Variants in HOATZ observed in about 807,000 individuals in gnomAD.
The protein encoded by HOATZ is HOATZ cilia and flagella associated protein.
A neutral mutation model predicts 24.9 loss-of-function variants in HOATZ; 26 were observed. The observed-to-expected ratio is 1.04, with a 90% CI of 0.76 to 1.45. The LOEUF (loss-of-function observed/expected upper bound fraction) is 1.45. Ranked by LOEUF, HOATZ falls within the 40% of genes most tolerant of loss-of-function variation. HOATZ has a pLI of 0.00. For missense variants in HOATZ, 226 were observed against 201.5 expected (o/e 1.12, Z -0.74); for synonymous variants, 83 against 76.6 (o/e 1.08, Z -0.43).
intron 5 of HOATZ, 126 bp downstream of exon 5, chr11:111,534,590 T>C: frequency 1.3e-6 from 1 of 763,568 alleles, no homozygotes; most frequent in Admixed American, 2.2e-5. Flanking sequence ...ATTACAGATT[T>C]CTTGCCTTGA....
intron 3 of HOATZ, 121 bp downstream of exon 3, chr11:111,516,231 G>A: frequency 2.9e-5 from 16 of 545,586 alleles, no homozygotes; most frequent in Middle Eastern, 4.9e-4. Flanking sequence ...AGCAAATTAA[G>A]GAAACCTTTA....
chr11:111,517,485 C>A (rs896840781), intron 3 of HOATZ, among the ~76,000 whole-genome samples: 2 of 152,140 alleles, frequency 1.3e-5, no homozygotes, highest in Non-Finnish European at 2.9e-5. Context: ...AATCTTAGAA[C>A]TGGATTCCTT....
At chr11:111,525,939 G>T (rs1392937669) in intron 3 of HOATZ, among the ~76,000 whole-genome samples, 3 of 152,182 alleles carry the variant, frequency 2.0e-5, no homozygotes, top group Non-Finnish European at 4.4e-5. Flanking sequence ...TAATCAGGGA[G>T]ATAAATATTT....
At chr11:111,517,798 G>A (rs1004043228) in intron 3 of HOATZ, among the ~76,000 whole-genome samples, 3 of 152,152 alleles carry the variant, frequency 2.0e-5, no homozygotes, top group Non-Finnish European at 2.9e-5. Flanking sequence ...TAGTTTGTTA[G>A]ACAAAGAATA....
At chr11:111,518,760 T>C (rs894883790) in intron 3 of HOATZ, among the ~76,000 whole-genome samples, 29 of 152,244 alleles carry the variant, frequency 1.9e-4, no homozygotes, top group Admixed American at 1.8e-3. Flanking sequence ...TCTGGAACTA[T>C]AAGCTGGTTC....
In HOATZ at chr11:111,533,970, C is replaced by T. The variant is rs76773437; in HGVS notation, c.399+165C>T. Among the ~76,000 whole-genome samples, 1,143 of 152,078 alleles carry T rather than the reference C, an allele frequency of 7.5e-3. 20 individuals are homozygous for T. Among genetic ancestry groups the T allele is most frequent in the Non-Finnish European group, 7.4e-3 (504 of 67,984 alleles). ...TATAGACATTAGATAATTTGGCAAC[C>T]CTTGATCAATCAAAGCTATCTCCAG... is the stretch of plus-strand genomic sequence containing the variant. On this transcript the variant is annotated intron_variant, in intron 4 of 5. Transcript: ENST00000375618.
intron 3 of HOATZ, among the ~76,000 whole-genome samples, chr11:111,522,388 G>A (rs980535968): frequency 6.6e-6 from 1 of 152,150 alleles, no homozygotes; most frequent in African/African-American, 2.4e-5. Flanking sequence ...TTGAAGAACT[G>A]GAATGATTCT....
rs1174646220 is a variant in HOATZ, at chr11:111,533,695, TAA to T, written c.340-50_340-49del. ...GGAAGAATTCTACCTTTCGTAGGCGTAAGTCTTTATTATTGAATCGAGACACC... is the reference window on the plus strand; with the variant it reads ...GGAAGAATTCTACCTTTCGTAGGCGTGTCTTTATTATTGAATCGAGACACC... On this transcript the variant is annotated intron_variant, in intron 3 of 5. Transcript: ENST00000375618. The T allele has an allele frequency of 4.7e-6, 6 of 1,267,380 alleles. No homozygotes were observed. The African/African-American group carries it at 1.0e-4, about 22-fold the overall frequency. 78.5% of individuals were successfully genotyped at this position (1,267,380 alleles called of 1,614,324 possible).
intron 3 of HOATZ, among the ~76,000 whole-genome samples, chr11:111,517,893 A>G (rs918169457): frequency 1.3e-5 from 2 of 151,484 alleles, no homozygotes; most frequent in African/African-American, 2.4e-5. Flanking sequence ...TTTTTTCCCC[A>G]TGGCTGCCCA....
chr11:111,536,436 C>T (rs910406734), intron 5 of HOATZ: 9 of 209,302 alleles, frequency 4.3e-5, no homozygotes, highest in Non-Finnish European at 7.8e-5. Context: ...TATTATCCAT[C>T]CCAGAATATT....
At chr11:111,515,173 C>T in intron 1 of HOATZ, 163 bp downstream of exon 1, 2 of 618,904 alleles carry the variant, frequency 3.2e-6, no homozygotes, top group Non-Finnish European at 5.7e-6. Flanking sequence ...AGCAACCCTT[C>T]CACCCGAAAA....
Position 111,536,890 on chromosome 11 carries a change from T to G in HOATZ, c.*63T>G. On this transcript the variant is annotated 3_prime_UTR_variant, in exon 6 of 6. Transcript: ENST00000375618. Reference sequence around the variant, plus strand: ...CTTCACTTTGGAAACAACCTTCTCTTAGATCAGGATCATTGAGATCACTGG... The same window carrying G: ...CTTCACTTTGGAAACAACCTTCTCTGAGATCAGGATCATTGAGATCACTGG... 7.9e-7 allele frequency: 1 copy of G among 1,272,388 alleles called. No homozygotes were observed. Among genetic ancestry groups the G allele is most frequent in the Non-Finnish European group, 1.1e-6 (1 of 870,082 alleles). The allele number at this position is 1,272,388 out of a possible 1,614,324, so 78.8% of individuals were successfully genotyped here.
chr11:111,532,636 C>T (rs1191997603), intron 3 of HOATZ, among the ~76,000 whole-genome samples: 1 of 152,190 alleles, frequency 6.6e-6, no homozygotes, highest in Non-Finnish European at 1.5e-5. Flanking sequence ...ACCTTGATTT[C>T]GGACTTCTAG....
chr11:111,518,928 C>G (rs562450025), intron 3 of HOATZ: 1 of 433,456 alleles, frequency 2.3e-6, no homozygotes, highest in Non-Finnish European at 4.7e-6. Flanking sequence ...CACGGCAAGC[C>G]ACATATCCTT....
rs781739626 is a variant in HOATZ, at chr11:111,514,865, T to C, written c.81T>C (p.Ala27=). The change falls in exon 1 of 6, where the codon GCT becomes GCC. Residue 27 remains alanine, a synonymous_variant. Coordinates refer to ENST00000375618, the MANE Select transcript of HOATZ (RefSeq NM_001100388.2). The part of the protein sequence containing the change: ...EMCPPGLLVF[A]GSSEQDANLA... ...GCCCCCCGGGATTACTGGTATTTGC[T>C]GGCTCCTCGGAACAAGATGCCAACT... 1 of 1,613,954 alleles carries C rather than the reference T, an allele frequency of 6.2e-7. No homozygotes were observed. Among genetic ancestry groups the C allele is most frequent in the African/African-American group, 1.3e-5 (1 of 74,876 alleles).
chr11:111,524,160 A>AT (rs1425913859), intron 3 of HOATZ, among the ~76,000 whole-genome samples: 2 of 152,230 alleles, frequency 1.3e-5, no homozygotes, highest in African/African-American at 4.8e-5. Flanking sequence ...TAAAGTATTC[A>AT]TTTAATAGGA....
At chr11:111,536,728 G>A (rs564077125) in intron 5 of HOATZ, 42 bp from the exon 6 acceptor site, 22 of 1,458,168 alleles carry the variant, frequency 1.5e-5, no homozygotes, top group African/African-American at 1.4e-4. Context: ...TCACAATGGC[G>A]GAGTTCTGTG....
intron 5 of HOATZ, 79 bp downstream of exon 5, chr11:111,534,543 C>A: frequency 1.8e-6 from 2 of 1,142,066 alleles, no homozygotes; most frequent in Non-Finnish European, 2.6e-6. Context: ...TCTTACTTTG[C>A]CACTTACCCT....
intron 3 of HOATZ, among the ~76,000 whole-genome samples, chr11:111,527,415 A>C (rs1191254442): frequency 6.6e-6 from 1 of 152,214 alleles, no homozygotes. Flanking sequence ...CTAGGAGTTG[A>C]GCCAAGATCA....
Sources: gnomAD v4.1 joint callset for allele counts (sites outside exome capture counted in the v4.1 genomes callset) on GRCh38, gnomAD v4.1.1 for gene constraint, MANE v1.5 for transcripts, NCBI Gene and HGNC (gene_info 2026-07-23, HGNC 2026-07-21) for gene names.